Variants in ZFPM2 observed in about 807,000 individuals in gnomAD.
ZFPM2 encodes zinc finger protein ZFPM2.
In ZFPM2, 20 loss-of-function variants were observed where a neutral mutation model predicts 98.6. The observed-to-expected ratio is 0.20, with a 90% CI of 0.14 to 0.29. The LOEUF is 0.29. Among genes scored for constraint, ZFPM2 ranks in the 10% least tolerant of loss-of-function variants. The pLI, the probability that ZFPM2 is intolerant of heterozygous loss-of-function variation, is 1.00. For missense variants in ZFPM2, 1,310 were observed against 1,388.6 expected, an observed-to-expected ratio of 0.94 and a Z score of 0.90; for synonymous variants, 518 against 502.7, an observed-to-expected ratio of 1.03 and a Z score of -0.41.
chr8:105,733,127 T>C (rs1811981593), intron 5 of ZFPM2, among the ~76,000 whole-genome samples: 1 of 151,896 alleles, frequency 6.6e-6, no homozygotes, highest in South Asian at 2.1e-4. Flanking sequence ...GTAATAGATA[T>C]CTAATAGATA....
At chr8:105,350,396 C>T (rs1416115527) in intron 1 of ZFPM2, among the ~76,000 whole-genome samples, 1 of 152,008 alleles carries the variant, frequency 6.6e-6, no homozygotes, top group Non-Finnish European at 1.5e-5. Flanking sequence ...AAATAAGAGA[C>T]AGAAAATTCT....
chr8:105,415,076 A>G (rs185208288), intron 1 of ZFPM2: 19 of 152,198 alleles, frequency 1.2e-4, no homozygotes, highest in African/African-American at 3.9e-4. Context: ...GCTGTGGCCA[A>G]TTCAAATGGT....
intron 1 of ZFPM2, among the ~76,000 whole-genome samples, chr8:105,373,839 A>G (rs1563627212): frequency 2.0e-5 from 3 of 152,230 alleles, no homozygotes; most frequent in Admixed American, 6.5e-5. Context: ...TTAACTGATG[A>G]CATACAATAG....
chr8:105,801,238 G>A lies in ZFPM2; in HGVS notation c.1156G>A (p.Val386Ile), dbSNP rs1813995047. ...GTTATTGCAGCACCAGGAGCTCCAT[G>A]TCCCTAGCGGCAAACTTCCCAGAGA... is the stretch of plus-strand genomic sequence containing the variant. ...RELLQHQELH[V>I]PSGKLPRESD... Residue 386 changes from valine to isoleucine, a missense_variant, in exon 8 of 8, where the codon GTC (valine) becomes ATC (isoleucine). Physicochemically the swap from Val to Ile is conservative, Grantham distance 29. Transcript: ENST00000407775. 6.2e-7 allele frequency: 1 copy of A among 1,613,904 alleles called. No individual in the cohort carries two copies. Among genetic ancestry groups the A allele is most frequent in the Non-Finnish European group, 8.5e-7 (1 of 1,179,868 alleles).
chr8:105,519,576 G>A (rs565172293), intron 3 of ZFPM2, among the ~76,000 whole-genome samples: 2 of 152,186 alleles, frequency 1.3e-5, no homozygotes, highest in Admixed American at 6.5e-5. Flanking sequence ...TGCCTCTAGT[G>A]TGTGTTACAT....
At chr8:105,617,857 G>T (rs572817942) in intron 4 of ZFPM2, among the ~76,000 whole-genome samples, 184 of 152,098 alleles carry the variant, frequency 1.2e-3, no homozygotes, top group African/African-American at 4.1e-3. Context: ...GTATAAAAAT[G>T]CCTGCAGTCA....
rs192559744 is a variant in ZFPM2 at position 105,733,224 on chromosome 8, G to T, written c.533-55494G>T. ...TGCCTGGGAAGCCCCTGCAAACTCT[G>T]CTTTCACACATAGGAATCATGCCTC... On this transcript the variant is annotated intron_variant, in intron 5 of 7. Transcript: ENST00000407775. 3.8e-3 allele frequency among the ~76,000 whole-genome samples: 577 copies of T among 151,930 alleles called. 2 individuals carry two copies. Among genetic ancestry groups the T allele is most frequent in the Non-Finnish European group, 6.7e-3 (453 of 67,870 alleles).
Position 105,318,869 on chromosome 8 carries a change from G to GGCGGGAGCA in ZFPM2, c.-65_-64insAGCGGGAGC, listed in dbSNP as rs1344363848. The GGCGGGAGCA allele has an allele frequency of 9.9e-7, 1 of 1,008,692 alleles. No homozygotes were observed. Among genetic ancestry groups the GGCGGGAGCA allele is most frequent in the East Asian group, 8.3e-5 (1 of 12,046 alleles). 62.5% of individuals were successfully genotyped at this position (1,008,692 alleles called of 1,614,324 possible). A position where few individuals can be genotyped will look rare whatever the true frequency, so the allele number is the denominator to read the frequency against. On this transcript the variant is annotated 5_prime_UTR_variant, in exon 1 of 8. Transcript: ENST00000407775. ...CAGCGGCGGCGGCGGCGGCGGCGGC[G>GGCGGGAGCA]GCGGGAGCCGAGGGAGCGGCAGCCG... is the stretch of plus-strand genomic sequence containing the variant.
At chr8:105,765,795 CAGAT>C (rs1263244190) in intron 5 of ZFPM2, among the ~76,000 whole-genome samples, 2 of 151,876 alleles carry the variant, frequency 1.3e-5, no homozygotes, top group Non-Finnish European at 2.9e-5. Context: ...CTTTATACAG[CAGAT>C]AGATAGGTTT....
intron 4 of ZFPM2, among the ~76,000 whole-genome samples, chr8:105,577,535 G>A (rs924621585): frequency 2.6e-5 from 4 of 151,722 alleles, no homozygotes; most frequent in African/African-American, 7.3e-5. Flanking sequence ...TCATAGTTTA[G>A]ATATTATAAA....
intron 1 of ZFPM2, among the ~76,000 whole-genome samples, chr8:105,327,347 T>G (rs1812133840): frequency 1.3e-5 from 2 of 151,726 alleles, no homozygotes; most frequent in Admixed American, 1.3e-4. Context: ...CATTTTTTCT[T>G]TATTTTCTGT....
intron 5 of ZFPM2, among the ~76,000 whole-genome samples, chr8:105,637,563 T>TGG (rs1476157972): frequency 6.6e-6 from 1 of 152,138 alleles, no homozygotes; most frequent in Non-Finnish European, 1.5e-5. Context: ...ATCTTCTACC[T>TGG]GGGGTTCAGA....
intron 5 of ZFPM2, among the ~76,000 whole-genome samples, chr8:105,638,425 A>C (rs1044649741): frequency 6.6e-6 from 1 of 152,092 alleles, no homozygotes; most frequent in African/African-American, 2.4e-5. Context: ...TATTTCCTAA[A>C]GTCTAAAAAG....
chr8:105,635,437 A>T (rs1381143152), intron 5 of ZFPM2, among the ~76,000 whole-genome samples: 1 of 152,092 alleles, frequency 6.6e-6, no homozygotes, highest in Non-Finnish European at 1.5e-5. Context: ...TTGAAACACC[A>T]GAAAGAGGGA....
At chr8:105,516,821 A>G (rs1426298333) in intron 3 of ZFPM2, among the ~76,000 whole-genome samples, 7 of 152,202 alleles carry the variant, frequency 4.6e-5, no homozygotes, top group Admixed American at 3.9e-4. Flanking sequence ...AGTATTGTCT[A>G]TAATTTCTGA....
intron 4 of ZFPM2, among the ~76,000 whole-genome samples, chr8:105,619,581 T>C (rs187132707): frequency 0.014 from 2,202 of 152,232 alleles, 51 homozygotes; most frequent in African/African-American, 0.049. Flanking sequence ...ATGTGCACAA[T>C]GTGCAGGTTT....
At chr8:105,415,846 T>G (rs1811669884) in intron 1 of ZFPM2, among the ~76,000 whole-genome samples, 1 of 152,118 alleles carries the variant, frequency 6.6e-6, no homozygotes, top group Non-Finnish European at 1.5e-5. Context: ...AGTAATTATA[T>G]AAAGCTGACA....
chr8:105,702,514 T>C (rs567000819), intron 5 of ZFPM2, among the ~76,000 whole-genome samples: 2 of 152,296 alleles, frequency 1.3e-5, no homozygotes, highest in South Asian at 4.1e-4. Flanking sequence ...TGCAAAATGT[T>C]TGGTTGCAGA....
At chr8:105,723,347 C>T (rs538448363) in intron 5 of ZFPM2, among the ~76,000 whole-genome samples, 104 of 151,916 alleles carry the variant, frequency 6.8e-4, no homozygotes, top group Non-Finnish European at 1.3e-3. Flanking sequence ...TTCCAGACTT[C>T]GTGACGTTCT....
Sources: gnomAD v4.1 joint callset for allele counts (sites outside exome capture counted in the v4.1 genomes callset) on GRCh38, gnomAD v4.1.1 for gene constraint, MANE v1.5 for transcripts, NCBI Gene and HGNC (gene_info 2026-07-23, HGNC 2026-07-21) for gene names.